CCSER1: variants seen among roughly 807,000 people sequenced by gnomAD.
CCSER1 encodes coiled-coil serine rich protein 1, also known as serine-rich coiled-coil domain-containing protein 1.
A neutral mutation model predicts 82.0 loss-of-function variants in CCSER1; 41 were observed. The ratio of observed to expected loss-of-function variants is 0.50; its 90% CI spans 0.39 to 0.65. The LOEUF is 0.65. Among genes scored for constraint, CCSER1 ranks in the 30% least tolerant of loss-of-function variants. The pLI is 0.00. For synonymous variants in CCSER1, 414 were observed against 383.9 expected (o/e 1.08, Z -0.92); for missense variants, 1,119 against 1,064.2 (o/e 1.05, Z -0.72).
At chr4:90,471,451 A>G (rs1270063268) in intron 5 of CCSER1, among the ~76,000 whole-genome samples, 1 of 152,168 alleles carries the variant, frequency 6.6e-6, no homozygotes, top group Non-Finnish European at 1.5e-5. Context: ...GAAATAATAA[A>G]TAAATAAAGC....
Position 90,314,837 on chromosome 4 carries a change from C to CTTT in CCSER1, c.1509+1815_1509+1817dup, listed in dbSNP as rs765931168. On this transcript the variant is annotated intron_variant, in intron 3 of 10. Transcript: ENST00000509176. ...CACAAAGTCACTCTTCTCAGATTTA[C>CTTT]TTTTTTTTTTTTTTTTTTTTTTTTT... Among the ~76,000 whole-genome samples the CTTT allele has an allele frequency of 9.1e-4, 80 of 87,604 alleles. 10 individuals carry two copies. Among genetic ancestry groups the CTTT allele is most frequent in the Middle Eastern group, 6.9e-3 (1 of 144 alleles). The allele number at this position is 87,604 out of a possible 152,430, so 57.5% of individuals were successfully genotyped here. A position where few individuals can be genotyped will look rare whatever the true frequency, so the allele number is the denominator to read the frequency against.
chr4:90,809,060 G>A (rs1172251406), intron 7 of CCSER1, among the ~76,000 whole-genome samples: 11 of 152,124 alleles, frequency 7.2e-5, no homozygotes, highest in East Asian at 1.9e-4. Context: ...GCTGATGTCC[G>A]TAATCCCAAC....
At chr4:91,369,661 CTTTTTTTTT>C (rs573494038) in intron 10 of CCSER1, among the ~76,000 whole-genome samples, 3 of 73,418 alleles carry the variant, frequency 4.1e-5, no homozygotes, top group Admixed American at 2.0e-4. Flanking sequence ...TAATCTGTAG[CTTTTTTTTT>C]TTTTTTTTTT....
Position 91,067,274 on chromosome 4 carries a change from T to C in CCSER1, c.2173-18676T>C, listed in dbSNP as rs149623479. Among the ~76,000 whole-genome samples, 18 of 151,990 alleles carry C rather than the reference T, an allele frequency of 1.2e-4. No homozygotes were observed. In the East Asian group the frequency reaches 3.5e-3, roughly 29 times the overall value. On this transcript the variant is annotated intron_variant, in intron 9 of 10. Transcript: ENST00000509176. ...AAGGCTGGTGGATTGGTAAAATGAC[T>C]TTTACTGGAAAGACTGTGTATGCTG...
chr4:90,223,134 A>G (rs1742474560), intron 1 of CCSER1, among the ~76,000 whole-genome samples: 1 of 152,110 alleles, frequency 6.6e-6, no homozygotes, highest in African/African-American at 2.4e-5. Context: ...TCCTAACCCC[A>G]TGCAATCACT....
At chr4:90,980,858 C>T (rs1340310803) in intron 9 of CCSER1, among the ~76,000 whole-genome samples, 2 of 151,754 alleles carry the variant, frequency 1.3e-5, no homozygotes, top group African/African-American at 2.4e-5. Flanking sequence ...GGTGAATACT[C>T]GAACTACCAC....
At chr4:91,397,638 T>C (rs573131808) in intron 10 of CCSER1, among the ~76,000 whole-genome samples, 1 of 152,196 alleles carries the variant, frequency 6.6e-6, no homozygotes, top group Admixed American at 6.6e-5. Flanking sequence ...TGAGAAAACA[T>C]TGTTTGTATG....
At chr4:90,891,549 G>A (rs1722971277) in intron 8 of CCSER1, among the ~76,000 whole-genome samples, 2 of 151,812 alleles carry the variant, frequency 1.3e-5, no homozygotes, top group South Asian at 4.2e-4. Context: ...GGTTTAATCA[G>A]ATCAGCTGAA....
At chr4:90,855,008 A>C (rs1460527326) in intron 8 of CCSER1, among the ~76,000 whole-genome samples, 1 of 151,620 alleles carries the variant, frequency 6.6e-6, no homozygotes, top group African/African-American at 2.4e-5. Context: ...TGTGTGCGAG[A>C]GAGCAAAGGG....
At chr4:90,701,425 C>G (rs964783218) in intron 6 of CCSER1, among the ~76,000 whole-genome samples, 1 of 152,114 alleles carries the variant, frequency 6.6e-6, no homozygotes, top group African/African-American at 2.4e-5. Flanking sequence ...CGTGATGCCT[C>G]CAGCTTTGTT....
At chr4:90,364,716 A>C (rs1409052000) in intron 3 of CCSER1, among the ~76,000 whole-genome samples, 1 of 151,946 alleles carries the variant, frequency 6.6e-6, no homozygotes, top group Non-Finnish European at 1.5e-5. Flanking sequence ...GATTGCTGTA[A>C]AGAAGACAGT....
At chr4:91,475,665 A>G (rs920457994) in intron 10 of CCSER1, among the ~76,000 whole-genome samples, 5 of 151,862 alleles carry the variant, frequency 3.3e-5, no homozygotes, top group African/African-American at 9.7e-5. Context: ...GGGGAACATT[A>G]CAAATCTTCT....
At chr4:90,742,790 A>C (rs777530959) in intron 7 of CCSER1, among the ~76,000 whole-genome samples, 4 of 152,148 alleles carry the variant, frequency 2.6e-5, no homozygotes, top group African/African-American at 4.8e-5. Context: ...TATTAGACTT[A>C]AGTGTTTTAT....
intron 10 of CCSER1, among the ~76,000 whole-genome samples, chr4:91,250,269 G>A (rs1426688464): frequency 1.3e-5 from 2 of 151,790 alleles, no homozygotes; most frequent in African/African-American, 4.8e-5. Flanking sequence ...AAATGGATTG[G>A]ATTTCTGTTT....
intron 3 of CCSER1, among the ~76,000 whole-genome samples, chr4:90,326,023 A>ATATGCAAT (rs1398509352): frequency 1.3e-5 from 2 of 150,176 alleles, no homozygotes; most frequent in South Asian, 2.1e-4. Flanking sequence ...GTGAATCTGC[A>ATATGCAAT]TATGCAATTT....
intron 1 of CCSER1, among the ~76,000 whole-genome samples, chr4:90,240,950 T>A (rs1227273523): frequency 6.6e-6 from 1 of 152,158 alleles, no homozygotes; most frequent in Non-Finnish European, 1.5e-5. Context: ...ATTCTTTGAG[T>A]GTTTGAGCAG....
intron 10 of CCSER1, among the ~76,000 whole-genome samples, chr4:91,095,822 A>AT (rs1047479752): frequency 3.3e-5 from 5 of 151,840 alleles, no homozygotes; most frequent in African/African-American, 1.2e-4. Flanking sequence ...CTGGTCCTTC[A>AT]TTTGGATCCC....
chr4:91,089,956 A>G (rs1238943366), intron 10 of CCSER1, among the ~76,000 whole-genome samples: 2 of 152,206 alleles, frequency 1.3e-5, no homozygotes, highest in Non-Finnish European at 2.9e-5. Context: ...GGTAGATAGT[A>G]TTCCTTATCT....
chr4:90,611,510 C>T (rs915146372), intron 5 of CCSER1, among the ~76,000 whole-genome samples: 3 of 151,610 alleles, frequency 2.0e-5, no homozygotes, highest in Non-Finnish European at 4.4e-5. Context: ...AGAAGATATC[C>T]ATTTGCTAAT....
Sources: allele counts gnomAD v4.1 joint callset (sites outside exome capture counted in the v4.1 genomes callset), GRCh38; gene constraint gnomAD v4.1.1; transcripts MANE v1.5; gene names NCBI Gene and HGNC (gene_info 2026-07-23, HGNC 2026-07-21).